Variants in STAU2 observed in about 807,000 individuals in gnomAD.
The protein encoded by STAU2 is double-stranded RNA-binding protein Staufen homolog 2.
In STAU2, 20 loss-of-function variants were observed where a neutral mutation model predicts 65.9. That is an observed-to-expected ratio of 0.30 (90% CI 0.21 to 0.44). STAU2 has a LOEUF of 0.44. Ranked by LOEUF, STAU2 falls within the 20% of genes least tolerant of loss-of-function variation. The pLI, the probability that STAU2 is intolerant of heterozygous loss-of-function variation, is 1.00. For synonymous variants in STAU2, 232 were observed against 233.9 expected (o/e 0.99, Z 0.07); for missense variants, 558 against 683.9 (o/e 0.82, Z 2.05).
At chr8:73,467,901 T>G (rs1477086541) in intron 13 of STAU2, among the ~76,000 whole-genome samples, 1 of 152,180 alleles carries the variant, frequency 6.6e-6, no homozygotes. Flanking sequence ...ATAGATTCAA[T>G]GCCATCCCCA....
Position 73,539,820 on chromosome 8 carries a change from G to A in STAU2, c.1530+12192C>T, listed in dbSNP as rs561332255. 1.9e-4 allele frequency among the ~76,000 whole-genome samples: 28 copies of A among 150,980 alleles called. No homozygotes were observed. In the East Asian group the frequency reaches 5.4e-3, roughly 29 times the overall value. ...ATTGCACCACTGCACTCCAGCCCTG[G>A]GCGACAGAGTGAAATTCCATCCCCA... is the stretch of plus-strand genomic sequence containing the variant. On this transcript the variant is annotated intron_variant, in intron 13 of 14. Transcript: ENST00000524300.
At chr8:73,739,482 C>T (rs1230454664) in intron 2 of STAU2, among the ~76,000 whole-genome samples, 1 of 152,100 alleles carries the variant, frequency 6.6e-6, no homozygotes, top group East Asian at 1.9e-4. Flanking sequence ...ATTGAACTTT[C>T]CCCTGGAAGC....
At position 73,587,174 on chromosome 8, in the gene STAU2, G is replaced by A. The variant is rs150823353; in HGVS notation, c.1162-4344C>T. 1.5e-3 allele frequency among the ~76,000 whole-genome samples: 224 copies of A among 152,168 alleles called. 2 individuals carry two copies. The highest frequency in any genetic ancestry group is 5.1e-3 in the African/African-American group (212 of 41,508). ...GCTGGGAGGTACAAGACAAGGGTGC[G>A]ATGCCTTCCCAACTCCGTGAAAATT... On this transcript the variant is annotated intron_variant, in intron 11 of 14. Coordinates refer to ENST00000524300, the MANE Select transcript of STAU2 (RefSeq NM_001164380.2).
chr8:73,442,246 C>A (rs1416975424), intron 13 of STAU2, among the ~76,000 whole-genome samples: 3 of 150,188 alleles, frequency 2.0e-5, no homozygotes. Context: ...CTCAGCTACT[C>A]GGGAGGCTGA....
At chr8:73,452,885 C>T (rs986814078) in intron 13 of STAU2, among the ~76,000 whole-genome samples, 8 of 152,126 alleles carry the variant, frequency 5.3e-5, no homozygotes, top group Admixed American at 1.3e-4. Context: ...AAAGCTCCAA[C>T]GAGCCAGAAG....
chr8:73,547,447 C>T (rs557184263), intron 13 of STAU2, among the ~76,000 whole-genome samples: 29 of 152,126 alleles, frequency 1.9e-4, no homozygotes, highest in African/African-American at 7.0e-4. Context: ...TTGCATATCC[C>T]TTGGACTTTG....
chr8:73,740,010 T>C lies in STAU2; in HGVS notation c.-196-142A>G, dbSNP rs950391772. 9.0e-6 allele frequency: 5 copies of C among 557,190 alleles called. No individual in the cohort carries two copies. In the African/African-American group the frequency reaches 9.5e-5, roughly 11 times the overall value. The allele number at this position is 557,190 out of a possible 1,614,324, so 34.5% of individuals were successfully genotyped here. On this transcript the variant is annotated intron_variant, in intron 1 of 14. Coordinates refer to ENST00000524300, the MANE Select transcript of STAU2 (RefSeq NM_001164380.2). Reference sequence around the variant, plus strand: ...GTGGTGCCCTTTGGAGAGGCCCATATGGCAAAGAACTGAGAAAAGCCTCTG... The same window carrying C: ...GTGGTGCCCTTTGGAGAGGCCCATACGGCAAAGAACTGAGAAAAGCCTCTG...
At chr8:73,646,564 C>T (rs1056616001) in intron 6 of STAU2, among the ~76,000 whole-genome samples, 1 of 152,076 alleles carries the variant, frequency 6.6e-6, no homozygotes, top group African/African-American at 2.4e-5. Flanking sequence ...AAACATGACA[C>T]CTGATAAAAA....
rs748853363 is a variant in STAU2 at position 73,552,225 on chromosome 8, C to T, written c.1317G>A (p.Leu439=). The change falls in exon 13 of 15, where the codon TTG becomes TTA. Residue 439 remains leucine, a synonymous_variant. Coordinates refer to ENST00000524300, the MANE Select transcript of STAU2 (RefSeq NM_001164380.2). ...KVISGTTLGY[L]SPKDMNQPSS... ...AAGGTTGGTTCATATCTTTGGGTGA[C>T]AAATAGCCTAGAGTAGTGCCAGAGA... The T allele has an allele frequency of 2.5e-6, 4 of 1,613,954 alleles. No homozygotes were observed. The highest frequency in any genetic ancestry group is 3.4e-6 in the Non-Finnish European group (4 of 1,179,878).
At chr8:73,614,248 A>G (rs1447310891) in intron 8 of STAU2, among the ~76,000 whole-genome samples, 1 of 152,186 alleles carries the variant, frequency 6.6e-6, no homozygotes, top group Non-Finnish European at 1.5e-5. Flanking sequence ...TGGAACACAA[A>G]TTTAAGAACA....
chr8:73,720,439 A>G (rs1821560310), intron 3 of STAU2, among the ~76,000 whole-genome samples: 1 of 149,336 alleles, frequency 6.7e-6, no homozygotes, highest in South Asian at 2.1e-4. Context: ...CTCCCTAAAT[A>G]CTGTTTTAGC....
chr8:73,584,838 A>T (rs1265329542), intron 11 of STAU2, among the ~76,000 whole-genome samples: 2 of 152,240 alleles, frequency 1.3e-5, no homozygotes, highest in African/African-American at 4.8e-5. Context: ...ACCAGTTCCA[A>T]GGGATGAAAG....
At chr8:73,512,111 A>G (rs1822439705) in intron 13 of STAU2, among the ~76,000 whole-genome samples, 1 of 152,228 alleles carries the variant, frequency 6.6e-6, no homozygotes, top group South Asian at 2.1e-4. Flanking sequence ...CCACTGATCT[A>G]CATGTCTATC....
At chr8:73,537,517 G>A (rs28812275) in intron 13 of STAU2, among the ~76,000 whole-genome samples, 2,540 of 152,292 alleles carry the variant, frequency 0.017, 27 homozygotes, top group Non-Finnish European at 0.026. Flanking sequence ...AAGAAAGACA[G>A]CAGTTTCTCA....
chr8:73,542,700 A>C (rs1806622891), intron 13 of STAU2, among the ~76,000 whole-genome samples: 2 of 152,170 alleles, frequency 1.3e-5, no homozygotes, highest in Admixed American at 6.5e-5. Flanking sequence ...AATGACCAAT[A>C]AGCACATGAA....
chr8:73,560,075 A>ATT (rs35696339), intron 12 of STAU2, among the ~76,000 whole-genome samples: 48 of 83,478 alleles, frequency 5.8e-4, no homozygotes, highest in African/African-American at 9.7e-4. Context: ...TACTGAACAG[A>ATT]TTTTTTTTTT....
chr8:73,725,869 G>A (rs1805585169), intron 3 of STAU2, among the ~76,000 whole-genome samples: 1 of 152,132 alleles, frequency 6.6e-6, no homozygotes, highest in South Asian at 2.1e-4. Flanking sequence ...GGAGGTCGAG[G>A]CTGCAGTGAG....
chr8:73,456,908 CA>C (rs1046583888), intron 13 of STAU2, among the ~76,000 whole-genome samples: 2 of 152,174 alleles, frequency 1.3e-5, no homozygotes, highest in African/African-American at 4.8e-5. Flanking sequence ...TACCGAGTAA[CA>C]ACATTTACCA....
At chr8:73,467,410 T>C (rs533625381) in intron 13 of STAU2, among the ~76,000 whole-genome samples, 91 of 152,244 alleles carry the variant, frequency 6.0e-4, no homozygotes, top group African/African-American at 2.2e-3. Context: ...CGGGCGCCTG[T>C]AGTCCCAGCT....
Sources: allele counts gnomAD v4.1 joint callset (sites outside exome capture counted in the v4.1 genomes callset), GRCh38; gene constraint gnomAD v4.1.1; transcripts MANE v1.5; gene names NCBI Gene and HGNC (gene_info 2026-07-23, HGNC 2026-07-21).